The following EPG5 variants were observed in gnomAD, a reference collection of about 807,000 sequenced individuals.
EPG5 encodes ectopic P granules protein 5 homolog.
In EPG5, 159 loss-of-function variants were observed where a neutral mutation model predicts 302.7. The observed-to-expected ratio is 0.53, with a 90% CI of 0.46 to 0.60. EPG5 has a LOEUF of 0.60. Ranked by LOEUF, EPG5 falls within the 20% of genes least tolerant of loss-of-function variation. The probability of loss-of-function intolerance (pLI) is 0.00; values close to 1 mark genes in which losing one functional copy is unlikely to be tolerated. For missense variants in EPG5, 2,896 were observed against 3,092.4 expected, an observed-to-expected ratio of 0.94 and a Z score of 1.51; for synonymous variants, 1,158 against 1,136.8, an observed-to-expected ratio of 1.02 and a Z score of -0.37.
intron 39 of EPG5, among the ~76,000 whole-genome samples, chr18:45,862,295 C>T (rs1021512390): frequency 5.3e-5 from 8 of 152,072 alleles, no homozygotes; most frequent in African/African-American, 1.7e-4. Context: ...TTATTTCCTC[C>T]CCTCTACTGT....
At chr18:45,815,472 A>C in the EPG5 span, among the ~76,000 whole-genome samples, 1 of 152,230 alleles carries the variant, frequency 6.6e-6, no homozygotes, top group Non-Finnish European at 1.5e-5. Context: ...TACACAAATT[A>C]GTAGCTCTTC....
At position 45,910,753 on chromosome 18, in the gene EPG5, A is replaced by T; in HGVS notation, c.3984-11T>A. 1 of 1,603,882 alleles carries T rather than the reference A, an allele frequency of 6.2e-7. No individual in the cohort carries two copies. The highest frequency in any genetic ancestry group is 1.1e-5 in the South Asian group (1 of 90,716). ...CCATCTATGGGTAACCTTAAAAAAC[A>T]CAAGCACAGATCTATAACCTTTCAA... is the stretch of plus-strand genomic sequence containing the variant. On this transcript the variant is annotated splice_polypyrimidine_tract_variant and intron_variant, in intron 22 of 43. Coordinates refer to ENST00000282041, the MANE Select transcript of EPG5 (RefSeq NM_020964.3).
At position 45,883,614 on chromosome 18, in the gene EPG5, GTTTTTTTTTTTTT is replaced by G. The variant is rs1174930322; in HGVS notation, c.5304+990_5304+1002del. On this transcript the variant is annotated intron_variant, in intron 30 of 43. Transcript: ENST00000282041. ...TAGCTGGGAGTACCACTAGCCTGGT[GTTTTTTTTTTTTT>G]TTTTTTTTTTTTTTGTACAGACAGG... Among the ~76,000 whole-genome samples the G allele has an allele frequency of 2.2e-3, 134 of 60,720 alleles. 1 individual carries two copies. Among genetic ancestry groups the G allele is most frequent in the African/African-American group, 7.1e-3 (122 of 17,084 alleles). 39.8% of individuals were successfully genotyped at this position (60,720 alleles called of 152,430 possible). A position where few individuals can be genotyped will look rare whatever the true frequency, so the allele number is the denominator to read the frequency against.
the EPG5 span, among the ~76,000 whole-genome samples, chr18:45,833,796 G>A: frequency 1.3e-5 from 2 of 152,148 alleles, no homozygotes; most frequent in African/African-American, 4.8e-5. Context: ...ATATAGGACC[G>A]AATATGAGGG....
Position 45,851,254 on chromosome 18 carries a change from T to C in EPG5, c.*1213A>G, listed in dbSNP as rs1163143453. 6.6e-6 allele frequency: 1 copy of C among 152,180 alleles called. No homozygotes were observed. The highest frequency in any genetic ancestry group is 2.4e-5 in the African/African-American group (1 of 41,452). 9.4% of individuals were successfully genotyped at this position (152,180 alleles called of 1,614,324 possible). A position where few individuals can be genotyped will look rare whatever the true frequency, so the allele number is the denominator to read the frequency against. On this transcript the variant is annotated 3_prime_UTR_variant, in exon 44 of 44. Transcript: ENST00000282041. ...ACACAAAGACATATTAAGCCAGCTA[T>C]GCAGGCAAAATCCATCTAGAGCTGA...
In EPG5 at chr18:45,874,543, T is replaced by C. The variant is rs559397979; in HGVS notation, c.6049+1693A>G. 3.1e-4 allele frequency among the ~76,000 whole-genome samples: 47 copies of C among 152,262 alleles called. 1 individual carries two copies. The highest frequency in any genetic ancestry group is 1.1e-3 in the African/African-American group (44 of 41,540). On this transcript the variant is annotated intron_variant, in intron 35 of 43. Transcript: ENST00000282041. Reference sequence around the variant, plus strand: ...ATGGTGGAAGATGAAAGGCATGTCTTACATGGCAGCAGGCAAGAGAGAGAA... The same window carrying C: ...ATGGTGGAAGATGAAAGGCATGTCTCACATGGCAGCAGGCAAGAGAGAGAA...
At chr18:45,938,056 G>A (rs1188474328) in intron 10 of EPG5, among the ~76,000 whole-genome samples, 3 of 152,118 alleles carry the variant, frequency 2.0e-5, no homozygotes, top group African/African-American at 7.2e-5. Context: ...CATGCACCAG[G>A]CCAGCGTCAG....
the EPG5 span, among the ~76,000 whole-genome samples, chr18:45,832,056 C>T: frequency 6.6e-6 from 1 of 152,236 alleles, no homozygotes; most frequent in Non-Finnish European, 1.5e-5. Context: ...CCTGTGGCAT[C>T]ACCCTGAGCA....
At chr18:45,923,920 T>C (rs879802047) in intron 14 of EPG5, among the ~76,000 whole-genome samples, 10 of 151,610 alleles carry the variant, frequency 6.6e-5, no homozygotes, top group Non-Finnish European at 1.0e-4. Flanking sequence ...TCCAGCTACT[T>C]GGAAGCCTGA....
chr18:45,820,558 C>T, the EPG5 span, among the ~76,000 whole-genome samples: 5 of 152,136 alleles, frequency 3.3e-5, no homozygotes, highest in East Asian at 1.9e-4. Context: ...GGAGGGTTCC[C>T]GCAGGCTTCT....
At chr18:45,966,281 C>T (rs1440456742) in intron 1 of EPG5, among the ~76,000 whole-genome samples, 2 of 150,312 alleles carry the variant, frequency 1.3e-5, no homozygotes, top group African/African-American at 4.9e-5. Context: ...GAGGCTGAGG[C>T]AGGAGAATGG....
intron 32 of EPG5, 101 bp from the exon 33 acceptor site, chr18:45,879,315 TA>T: frequency 1.3e-6 from 1 of 786,118 alleles, no homozygotes; most frequent in Non-Finnish European, 2.0e-6. Flanking sequence ...TCTTTGACTT[TA>T]TAAGAGAGTG....
chr18:45,872,976 G>A (rs1291465456), intron 35 of EPG5, among the ~76,000 whole-genome samples: 1 of 152,220 alleles, frequency 6.6e-6, no homozygotes, highest in Admixed American at 6.5e-5. Context: ...TGTGACGTCA[G>A]ATAAATTCTT....
the EPG5 span, chr18:45,838,887 G>A: frequency 1.2e-5 from 19 of 1,594,734 alleles, no homozygotes; most frequent in Non-Finnish European, 1.6e-5. Context: ...GCCACCTAGT[G>A]ACCGCCGAAC....
Position 45,954,704 on chromosome 18 carries a change from A to G in EPG5, c.698T>C (p.Val233Ala). Reference protein sequence around the residue: ...IAGEAPALVAVKPLLRSERLY... With the variant: ...IAGEAPALVAAKPLLRSERLY... ...TCGCTCACTGCGAAGCAAGGGTTTC[A>G]CTGCCACCAAAGCTGGTGCTTCTCC... Residue 233 changes from valine to alanine, a missense_variant, in exon 2 of 44, where the codon GTG becomes GCG. By Grantham distance (64) the Val-to-Ala change is moderately conservative (BLOSUM62 0). Coordinates refer to ENST00000282041, the MANE Select transcript of EPG5 (RefSeq NM_020964.3). 6.2e-7 allele frequency: 1 copy of G among 1,614,230 alleles called. No homozygotes were observed. The highest frequency in any genetic ancestry group is 8.5e-7 in the Non-Finnish European group (1 of 1,180,042).
chr18:45,943,896 G>A (rs909973927), intron 8 of EPG5, 109 bp downstream of exon 8: 25 of 699,326 alleles, frequency 3.6e-5, no homozygotes, highest in Middle Eastern at 2.4e-4. Flanking sequence ...ACTCAGGCCT[G>A]GGCGACACAG....
chr18:45,858,688 G>T lies in EPG5; in HGVS notation c.7104C>A (p.Thr2368=), dbSNP rs761091935. The T allele has an allele frequency of 6.2e-7, 1 of 1,614,096 alleles. No homozygotes were observed. The highest frequency in any genetic ancestry group is 1.3e-5 in the African/African-American group (1 of 75,008). Residue 2368 remains threonine, a synonymous_variant, in exon 41 of 44, where the codon ACC becomes ACA. Transcript: ENST00000282041. ...TMEEFLQECL[T]LGSYLTLYVY... is the part of the protein sequence containing the mutation. ...CGTAAAGAGTCAAGTAACTGCCCAA[G>T]GTGAGGCACTCCTGCAGGAACTCTT...
In EPG5 at chr18:45,868,055, G is replaced by A. The variant is rs1183283812; in HGVS notation, c.6226-307C>T. ...GAATCGCTGCCACAGTAAGTCACTG[G>A]AGCTGCAGGGAGTGTATCAGAATCC... On this transcript the variant is annotated intron_variant, in intron 36 of 43. Transcript: ENST00000282041. 8.3e-6 allele frequency: 4 copies of A among 483,696 alleles called. No individual in the cohort carries two copies. In the East Asian group the frequency reaches 2.4e-4, roughly 30 times the overall value. The allele number at this position is 483,696 out of a possible 1,614,324, so 30.0% of individuals were successfully genotyped here. A position where few individuals can be genotyped will look rare whatever the true frequency, so the allele number is the denominator to read the frequency against.
Position 45,870,805 on chromosome 18 carries a change from A to G in EPG5, c.6050-63T>C, listed in dbSNP as rs1344754904. The G allele has an allele frequency of 8.1e-6, 8 of 983,862 alleles. No individual in the cohort carries two copies. In the Admixed American group the frequency reaches 1.1e-4, roughly 13 times the overall value. 60.9% of individuals were successfully genotyped at this position (983,862 alleles called of 1,614,324 possible). On this transcript the variant is annotated intron_variant, in intron 35 of 43. Coordinates refer to ENST00000282041, the MANE Select transcript of EPG5 (RefSeq NM_020964.3). ...GTTTACCTTAAAAAAAAAAAAAAAAAGCAAATTTGAACTAAAAGTCTAAAA... is the reference window on the plus strand; with the variant it reads ...GTTTACCTTAAAAAAAAAAAAAAAAGGCAAATTTGAACTAAAAGTCTAAAA...
Sources: allele counts gnomAD v4.1 joint callset (sites outside exome capture counted in the v4.1 genomes callset), GRCh38; gene constraint gnomAD v4.1.1; transcripts MANE v1.5; gene names NCBI Gene and HGNC (gene_info 2026-07-23, HGNC 2026-07-21).